Variants in RGS7 observed in about 807,000 individuals in gnomAD.
RGS7 encodes the protein regulator of G-protein signaling 7.
A neutral mutation model predicts 81.1 loss-of-function variants in RGS7; 27 were observed. The ratio of observed to expected loss-of-function variants is 0.33; its 90% confidence interval spans 0.25 to 0.46. RGS7 has a LOEUF of 0.46. RGS7 is among the 20% of genes least tolerant of loss of function. The pLI, the probability that RGS7 is intolerant of heterozygous loss-of-function variation, is 1.00. For synonymous variants in RGS7, 208 were observed against 207.7 expected, an observed-to-expected ratio of 1.00 and a Z score of -0.01; for missense variants, 396 against 607.4, an observed-to-expected ratio of 0.65 and a Z score of 3.66.
rs374129883 is a variant in RGS7, at chr1:241,290,936, A to G, written c.78+64763T>C. On this transcript the variant is annotated intron_variant, in intron 2 of 18. Transcript: ENST00000440928. The stretch of plus-strand genomic sequence containing the variant: ...TATGTATGCAATTAACCATGATACA[A>G]TGGCAGCATAAAATGGCACCGGTAA... Among the ~76,000 whole-genome samples, 162 of 152,322 alleles carry G rather than the reference A, an allele frequency of 1.1e-3. 1 individual carries two copies. Among genetic ancestry groups the G allele is most frequent in the Middle Eastern group, 3.4e-3 (1 of 294 alleles).
intron 2 of RGS7, among the ~76,000 whole-genome samples, chr1:241,152,896 TTTG>T (rs2068855730): frequency 6.6e-6 from 1 of 151,912 alleles, no homozygotes; most frequent in Non-Finnish European, 1.5e-5. Flanking sequence ...TCAGGGGTTA[TTTG>T]TTACTACCTG....
chr1:240,920,860 C>T (rs768818621), intron 6 of RGS7, among the ~76,000 whole-genome samples: 2 of 151,806 alleles, frequency 1.3e-5, no homozygotes, highest in Non-Finnish European at 2.9e-5. Flanking sequence ...AGCATTCCAA[C>T]AAAGGGTCTT....
At chr1:241,124,851 G>A (rs2066538722) in intron 2 of RGS7, among the ~76,000 whole-genome samples, 1 of 152,216 alleles carries the variant, frequency 6.6e-6, no homozygotes, top group East Asian at 1.9e-4. Context: ...GGTAGGCAGA[G>A]GCAAAAGCCA....
At chr1:241,022,472 T>C (rs2059586223) in intron 3 of RGS7, among the ~76,000 whole-genome samples, 1 of 152,176 alleles carries the variant, frequency 6.6e-6, no homozygotes, top group Non-Finnish European at 1.5e-5. Context: ...AACCTGAGAT[T>C]AGTGTTTGAG....
chr1:241,133,742 C>A (rs551456367), intron 2 of RGS7, among the ~76,000 whole-genome samples: 1 of 152,278 alleles, frequency 6.6e-6, no homozygotes, highest in South Asian at 2.1e-4. Context: ...TTTCTAAATA[C>A]CATTCCTTAC....
At chr1:241,214,432 T>C (rs924087323) in intron 2 of RGS7, among the ~76,000 whole-genome samples, 13 of 152,152 alleles carry the variant, frequency 8.5e-5, no homozygotes, top group East Asian at 3.9e-4. Context: ...GTTTTTTTTT[T>C]CTTTGGCTGA....
chr1:241,267,724 C>T (rs577408533), intron 2 of RGS7, among the ~76,000 whole-genome samples: 4 of 152,262 alleles, frequency 2.6e-5, no homozygotes, highest in African/African-American at 9.6e-5. Context: ...TTAAATTCTT[C>T]TATGTATTTT....
intron 2 of RGS7, among the ~76,000 whole-genome samples, chr1:241,116,115 C>T (rs2065870749): frequency 6.6e-6 from 1 of 152,134 alleles, no homozygotes; most frequent in Admixed American, 6.5e-5. Flanking sequence ...TCAACTAAAT[C>T]TCTTTTCTTC....
Position 240,949,741 on chromosome 1 carries a change from G to A in RGS7, c.227-13035C>T, listed in dbSNP as rs149637451. 6.1e-3 allele frequency among the ~76,000 whole-genome samples: 919 copies of A among 151,656 alleles called. 12 individuals carry two copies. The highest frequency in any genetic ancestry group is 0.021 in the African/African-American group (868 of 41,312). ...TGCATGCCTGTAGTACCAGCTGCTC[G>A]GGAGGCTGGGGCAGGAGAATGGCTT... On this transcript the variant is annotated intron_variant, in intron 4 of 18. Transcript: ENST00000440928.
chr1:241,041,212 A>G (rs779741332), intron 3 of RGS7, among the ~76,000 whole-genome samples: 3 of 152,142 alleles, frequency 2.0e-5, no homozygotes, highest in Non-Finnish European at 4.4e-5. Context: ...TATTGCTTCA[A>G]TTTTTAGTTT....
At chr1:240,919,133 C>T (rs2148291315) in intron 6 of RGS7, among the ~76,000 whole-genome samples, 1 of 152,252 alleles carries the variant, frequency 6.6e-6, no homozygotes, top group East Asian at 1.9e-4. Flanking sequence ...CAGATAACTT[C>T]ACTGGGGAAT....
intron 3 of RGS7, among the ~76,000 whole-genome samples, chr1:241,057,238 A>C (rs1222532735): frequency 6.6e-6 from 1 of 152,110 alleles, no homozygotes; most frequent in African/African-American, 2.4e-5. Flanking sequence ...GGAACACCAG[A>C]CTAGAAGTCA....
At chr1:241,306,853 C>T (rs148638264) in intron 2 of RGS7, among the ~76,000 whole-genome samples, 2 of 152,282 alleles carry the variant, frequency 1.3e-5, no homozygotes, top group African/African-American at 4.8e-5. Flanking sequence ...ACACACAACA[C>T]CCTAGATGCC....
chr1:241,243,896 A>AT (rs966745343), intron 2 of RGS7, among the ~76,000 whole-genome samples: 21 of 152,016 alleles, frequency 1.4e-4, no homozygotes, highest in Non-Finnish European at 2.8e-4. Context: ...TTCAAAGAAC[A>AT]TTTTTTTTCA....
At chr1:240,936,353 C>T (rs756192045) in intron 5 of RGS7, among the ~76,000 whole-genome samples, 21 of 152,224 alleles carry the variant, frequency 1.4e-4, no homozygotes, top group South Asian at 8.3e-4. Flanking sequence ...TTAAGCTTTT[C>T]ATATAAAATA....
chr1:241,027,178 G>A (rs1046611604), intron 3 of RGS7, among the ~76,000 whole-genome samples: 5 of 151,810 alleles, frequency 3.3e-5, no homozygotes, highest in Non-Finnish European at 2.9e-5. Context: ...ACTCCAGCCT[G>A]GGTGGCAGAA....
chr1:241,071,227 A>G (rs1282226295), intron 3 of RGS7, among the ~76,000 whole-genome samples: 1 of 152,206 alleles, frequency 6.6e-6, no homozygotes. Context: ...CAGAGACAGC[A>G]TGTCTTGCTG....
chr1:241,148,624 G>A (rs1281038422), intron 2 of RGS7, among the ~76,000 whole-genome samples: 1 of 152,100 alleles, frequency 6.6e-6, no homozygotes, highest in African/African-American at 2.4e-5. Flanking sequence ...GGTGACCTCG[G>A]GCAAGTCACT....
rs145532861 is a variant in RGS7 at position 241,271,148 on chromosome 1, G to A, written c.78+84551C>T. Among the ~76,000 whole-genome samples the A allele has an allele frequency of 2.0e-5, 3 of 152,218 alleles. No homozygotes were observed. Among genetic ancestry groups the A allele is most frequent in the African/African-American group, 4.8e-5 (2 of 41,516 alleles). On this transcript the variant is annotated intron_variant, in intron 2 of 18. Coordinates refer to ENST00000440928, the MANE Select transcript of RGS7 (RefSeq NM_001364886.1). This position sits in a 1 kb window ranked among gnomAD's most constrained non-coding sequence, Gnocchi z 4.6. ...GTGAACCTGAGTATTTTCTATTGGC[G>A]GGAACTTACGTGGCTAAAACGTCTC...
Sources: gnomAD v4.1 joint callset for allele counts (sites outside exome capture counted in the v4.1 genomes callset) on GRCh38, gnomAD v4.1.1 for gene constraint, Gnocchi (gnomAD v3.1) non-coding constraint, MANE v1.5 for transcripts, NCBI Gene and HGNC (gene_info 2026-07-23, HGNC 2026-07-21) for gene names.